The following AKAP19 variants were observed in gnomAD, a reference collection of about 807,000 sequenced individuals.
AKAP19 encodes small A-kinase anchoring protein.
At chr2:189,981,993 T>C in the AKAP19 span, among the ~76,000 whole-genome samples, 2 of 152,140 alleles carry the variant, frequency 1.3e-5, no homozygotes, top group East Asian at 1.9e-4. Flanking sequence ...GGGATGGTCA[T>C]CTTGCATGGC....
chr2:190,191,867 T>C, the AKAP19 span, among the ~76,000 whole-genome samples: 1 of 152,232 alleles, frequency 6.6e-6, no homozygotes, highest in African/African-American at 2.4e-5. Context: ...AAGTCATTTA[T>C]TGGCTAGATG....
At chr2:190,084,642 T>A in the AKAP19 span, among the ~76,000 whole-genome samples, 3 of 152,322 alleles carry the variant, frequency 2.0e-5, no homozygotes, top group Non-Finnish European at 2.9e-5. Context: ...TTAACTGACA[T>A]CCCTTCTTCT....
chr2:189,952,089 T>A, the AKAP19 span, among the ~76,000 whole-genome samples: 1 of 152,230 alleles, frequency 6.6e-6, no homozygotes, highest in Non-Finnish European at 1.5e-5. Flanking sequence ...CTAATACCCT[T>A]TGTCTTGTAT....
At chr2:190,049,932 C>T in the AKAP19 span, among the ~76,000 whole-genome samples, 4 of 152,136 alleles carry the variant, frequency 2.6e-5, no homozygotes, top group African/African-American at 9.7e-5. Context: ...TATTTCCAAC[C>T]TTAAAAATAA....
the AKAP19 span, among the ~76,000 whole-genome samples, chr2:190,035,247 A>AT: frequency 2.6e-5 from 4 of 152,090 alleles, no homozygotes. Flanking sequence ...CCTGGCCAAC[A>AT]CAGTGAAACC....
At chr2:190,201,775 A>G in the AKAP19 span, 1 of 167,158 alleles carries the variant, frequency 6.0e-6, no homozygotes, top group Non-Finnish European at 1.5e-5. Context: ...TATAATAGAA[A>G]AACAACCAAA....
At chr2:189,908,501 A>G in the AKAP19 span, among the ~76,000 whole-genome samples, 33 of 152,160 alleles carry the variant, frequency 2.2e-4, 1 homozygote, top group Admixed American at 1.5e-3. Flanking sequence ...CCAGCCCTAT[A>G]TACTTACTTC....
At chr2:189,945,702 A>G in the AKAP19 span, among the ~76,000 whole-genome samples, 2 of 152,308 alleles carry the variant, frequency 1.3e-5, no homozygotes, top group East Asian at 3.9e-4. Flanking sequence ...TTGGCATTCA[A>G]ATATGTTATT....
chr2:189,918,890 G>A, the AKAP19 span, among the ~76,000 whole-genome samples: 1 of 152,160 alleles, frequency 6.6e-6, no homozygotes, highest in African/African-American at 2.4e-5. Context: ...TTAAGTGAAA[G>A]AACCCAGGTA....
the AKAP19 span, among the ~76,000 whole-genome samples, chr2:189,973,919 T>G: frequency 1.3e-5 from 2 of 152,208 alleles, no homozygotes; most frequent in African/African-American, 4.8e-5. Flanking sequence ...GTTGATCTTT[T>G]CAAAAAACCA....
chr2:190,198,061 C>G, the AKAP19 span, among the ~76,000 whole-genome samples: 1 of 152,178 alleles, frequency 6.6e-6, no homozygotes, highest in Non-Finnish European at 1.5e-5. Flanking sequence ...ACAAGACAGA[C>G]ACCACACATA....
the AKAP19 span, among the ~76,000 whole-genome samples, chr2:189,996,327 A>T: frequency 2.0e-5 from 3 of 152,114 alleles, no homozygotes; most frequent in Admixed American, 6.6e-5. Context: ...GATCGGGTTA[A>T]TTCAAAAACC....
the AKAP19 span, among the ~76,000 whole-genome samples, chr2:189,884,429 G>C: frequency 2.0e-5 from 3 of 151,994 alleles, no homozygotes; most frequent in African/African-American, 4.8e-5. Flanking sequence ...GAAGTTATTT[G>C]CACTCTTTTT....
chr2:190,159,259 A>G, the AKAP19 span, among the ~76,000 whole-genome samples: 1 of 152,166 alleles, frequency 6.6e-6, no homozygotes, highest in Non-Finnish European at 1.5e-5. Flanking sequence ...TATTTGTTAT[A>G]TGGGCATGGT....
At chr2:190,188,708 T>G in the AKAP19 span, among the ~76,000 whole-genome samples, 1 of 152,248 alleles carries the variant, frequency 6.6e-6, no homozygotes, top group African/African-American at 2.4e-5. Flanking sequence ...AGTACTGTAT[T>G]GTAACTGCCT....
chr2:190,095,691 T>C, the AKAP19 span: 7 of 151,396 alleles, frequency 4.6e-5, no homozygotes, highest in African/African-American at 1.7e-4. Flanking sequence ...ATCAGAAACA[T>C]ATATGGTGGG....
chr2:189,989,501 AT>A, the AKAP19 span, among the ~76,000 whole-genome samples: 1 of 152,152 alleles, frequency 6.6e-6, no homozygotes, highest in African/African-American at 2.4e-5. Context: ...AGGTAGTTAT[AT>A]TTTTGTCAGA....
the AKAP19 span, among the ~76,000 whole-genome samples, chr2:189,979,011 C>A: frequency 6.6e-6 from 1 of 151,918 alleles, no homozygotes; most frequent in African/African-American, 2.4e-5. Flanking sequence ...CCACCCAAAG[C>A]AATCTATAGA....
chr2:189,967,316 T>C, the AKAP19 span, among the ~76,000 whole-genome samples: 1 of 152,204 alleles, frequency 6.6e-6, no homozygotes, highest in Non-Finnish European at 1.5e-5. Context: ...TTTGAACTAT[T>C]GTATTTTTAG....
Sources: allele counts gnomAD v4.1 joint callset (sites outside exome capture counted in the v4.1 genomes callset), GRCh38; gene constraint gnomAD v4.1.1; transcripts MANE v1.5; gene names NCBI Gene and HGNC (gene_info 2026-07-23, HGNC 2026-07-21).